C11orf91: variants seen among roughly 807,000 people sequenced by gnomAD.
C11orf91 encodes the protein uncharacterized protein C11orf91.
C11orf91 carries 10 observed loss-of-function variants against 14.3 expected under a neutral mutation model. That is an observed-to-expected ratio of 0.70 (90% CI 0.43 to 1.18). C11orf91 has a LOEUF of 1.18. Ranked by LOEUF, C11orf91 falls within the 50% of genes most tolerant of loss-of-function variation. The pLI, the probability that C11orf91 is intolerant of heterozygous loss-of-function variation, is 0.00. For synonymous variants in C11orf91, 141 were observed against 130.6 expected, an observed-to-expected ratio of 1.08 and a Z score of -0.54; for missense variants, 236 against 269.0, an observed-to-expected ratio of 0.88 and a Z score of 0.86.
At chr11:33,700,113 G>C (rs970925243) in intron 1 of C11orf91, 132 bp downstream of exon 1, 1 of 946,734 alleles carries the variant, frequency 1.1e-6, no homozygotes, top group African/African-American at 1.7e-5. Context: ...GGGTGCTAGG[G>C]GATAGATTTT....
rs1370583692 is a variant in C11orf91, at chr11:33,700,650, T to A, written c.91A>T (p.Ile31Phe). 7 of 1,472,462 alleles carry A rather than the reference T, an allele frequency of 4.8e-6. No individual in the cohort carries two copies. The highest frequency in any genetic ancestry group is 5.4e-6 in the Non-Finnish European group (6 of 1,115,958). The allele number at this position is 1,472,462 out of a possible 1,614,324, so 91.2% of individuals were successfully genotyped here. A position where few individuals can be genotyped will look rare whatever the true frequency, so the allele number is the denominator to read the frequency against. Residue 31 changes from isoleucine (I) to phenylalanine (F), a missense_variant, in exon 1 of 2, where the codon ATC (isoleucine) becomes TTC (phenylalanine). Physicochemically the swap from Ile to Phe is conservative, Grantham distance 21. Coordinates refer to ENST00000379011, the MANE Select transcript of C11orf91 (RefSeq NM_001166692.2). ...AAGTCGCTGAGCGGGGACGAGGAGATGCCGCGGTCGTACAGGGACGGGAAA... is the reference window on the plus strand; with the variant it reads ...AAGTCGCTGAGCGGGGACGAGGAGAAGCCGCGGTCGTACAGGGACGGGAAA... ...LYFPSLYDRGISSSPLSDFNI... is the reference protein window; with the variant it reads ...LYFPSLYDRGFSSSPLSDFNI...
upstream of C11orf91, chr11:33,704,893 C>G (rs1472095852): frequency 6.6e-6 from 1 of 152,592 alleles, no homozygotes. Flanking sequence ...CCAGAACAGT[C>G]TTTCCTTTAT....
chr11:33,704,823 GC>G (rs1853244714), upstream of C11orf91: 1 of 152,608 alleles, frequency 6.6e-6, no homozygotes. Context: ...CTGGCAGGAG[GC>G]TGGCTCTGAC....
At chr11:33,701,809 T>C (rs1023039810), upstream of C11orf91, among the ~76,000 whole-genome samples, 1 of 150,892 alleles carries the variant, frequency 6.6e-6, no homozygotes, top group African/African-American at 2.5e-5. Context: ...GAGTCAGATA[T>C]TCAAGCTGGG....
At chr11:33,700,917 G>A (rs530865158), upstream of C11orf91, 3,283 of 462,640 alleles carry the variant, frequency 7.1e-3, 28 homozygotes, top group Non-Finnish European at 6.7e-3. Flanking sequence ...ACCACGTCCC[G>A]GAACGCGGCC....
upstream of C11orf91, chr11:33,704,673 G>T (rs1353606823): frequency 2.0e-5 from 3 of 152,220 alleles, no homozygotes; most frequent in African/African-American, 7.2e-5. Context: ...TTGCCTGAGG[G>T]TCGCCGATTA....
intron 1 of C11orf91, 93 bp from the exon 2 acceptor site, chr11:33,698,607 T>C (rs1853064857): frequency 1.2e-6 from 1 of 867,008 alleles, no homozygotes; most frequent in Non-Finnish European, 1.8e-6. Flanking sequence ...CTGTGCTTCC[T>C]CGACCCTAAA....
chr11:33,700,968 ACGCCCCCTGGCTCGCCTCGCCT>A (rs749447237), upstream of C11orf91, among the ~76,000 whole-genome samples: 3 of 151,972 alleles, frequency 2.0e-5, no homozygotes, highest in Non-Finnish European at 4.4e-5. Flanking sequence ...TTAGAAAGCC[ACGCCCCCTGGCTCGCCTCGCCT>A]CGCCTCCCGT....
At chr11:33,703,902 T>G (rs969657637), upstream of C11orf91, 1 of 152,330 alleles carries the variant, frequency 6.6e-6, no homozygotes, top group African/African-American at 2.4e-5. Flanking sequence ...TGGCACTAAT[T>G]TTCCATTGCC....
chr11:33,703,303 GTAA>G (rs1441379359), upstream of C11orf91: 2 of 152,168 alleles, frequency 1.3e-5, no homozygotes, highest in Non-Finnish European at 2.9e-5. Flanking sequence ...TCCCTATGAG[GTAA>G]TAATAAACCC....
chr11:33,700,606 G>T lies in C11orf91; in HGVS notation c.135C>A (p.Leu45=). ...CCCCGCCCGCCTTCAGCGGCACGAA[G>T]AGCTTCTTCCAGATGTTGAAGTCGC... ...PLSDFNIWKK[L]FVPLKAGGAP... The change falls in exon 1 of 2, where the codon CTC becomes CTA. Residue 45 remains leucine (L), a synonymous_variant. Transcript: ENST00000379011. 1 of 1,469,904 alleles carries T rather than the reference G, an allele frequency of 6.8e-7. No homozygotes were observed. The highest frequency in any genetic ancestry group is 9.0e-7 in the Non-Finnish European group (1 of 1,115,696). 91.1% of individuals were successfully genotyped at this position (1,469,904 alleles called of 1,614,324 possible). A position where few individuals can be genotyped will look rare whatever the true frequency, so the allele number is the denominator to read the frequency against.
chr11:33,699,628 CG>C (rs1230466276), intron 1 of C11orf91: 3 of 455,826 alleles, frequency 6.6e-6, no homozygotes, highest in African/African-American at 4.0e-5. Flanking sequence ...AGACTTCAGA[CG>C]TAAGACCAGA....
chr11:33,698,302 G>C lies in C11orf91; in HGVS notation c.*127C>G. ...GGCACTGTATGTGAAGTACATGCTGGTAGCAACAAGAACAGCGGTAAATAC... is the reference window on the plus strand; with the variant it reads ...GGCACTGTATGTGAAGTACATGCTGCTAGCAACAAGAACAGCGGTAAATAC... On this transcript the variant is annotated 3_prime_UTR_variant, in exon 2 of 2. Transcript: ENST00000379011. The C allele has an allele frequency of 1.5e-6, 1 of 660,950 alleles. No homozygotes were observed. 40.9% of individuals were successfully genotyped at this position (660,950 alleles called of 1,614,324 possible).
At chr11:33,701,692 A>C (rs1157893122), upstream of C11orf91, among the ~76,000 whole-genome samples, 3 of 151,960 alleles carry the variant, frequency 2.0e-5, no homozygotes, top group Non-Finnish European at 2.9e-5. Context: ...GCAGTTAAAG[A>C]GTCAGTATCA....
At chr11:33,706,214 G>A in the C11orf91 span, 1 of 152,032 alleles carries the variant, frequency 6.6e-6, no homozygotes, top group South Asian at 2.1e-4. Context: ...AGAAATTAAG[G>A]TACTGTGGTC....
At chr11:33,705,559 T>C (rs527333283), upstream of C11orf91, 8 of 152,378 alleles carry the variant, frequency 5.3e-5, no homozygotes, top group East Asian at 9.6e-4. Flanking sequence ...AGTGGGTTGG[T>C]TGCCAGGGGC....
chr11:33,703,561 T>C (rs1488379407), upstream of C11orf91: 3 of 152,282 alleles, frequency 2.0e-5, no homozygotes, highest in East Asian at 1.9e-4. Context: ...TCCCTCTTCG[T>C]TGATCAGGGT....
upstream of C11orf91, chr11:33,702,755 A>C: frequency 2.6e-6 from 1 of 379,340 alleles, no homozygotes; most frequent in Non-Finnish European, 5.2e-6. Context: ...ATTAGAAGAA[A>C]AATTTTTTCA....
chr11:33,704,769 A>G (rs1055094318), upstream of C11orf91: 3 of 152,574 alleles, frequency 2.0e-5, no homozygotes, highest in Admixed American at 2.0e-4. Context: ...CCTAGCCTTC[A>G]GGGCAAGGCT....
Sources: allele counts gnomAD v4.1 joint callset (sites outside exome capture counted in the v4.1 genomes callset), GRCh38; gene constraint gnomAD v4.1.1; transcripts MANE v1.5; gene names NCBI Gene and HGNC (gene_info 2026-07-23, HGNC 2026-07-21).